The following RIN2 variants were observed in gnomAD, a reference collection of about 807,000 sequenced individuals.
RIN2 encodes the protein RAB5 interacting protein 2.
A neutral mutation model predicts 78.0 loss-of-function variants in RIN2; 36 were observed. That is an observed-to-expected ratio of 0.46 (90% CI 0.35 to 0.61). The LOEUF (loss-of-function observed/expected upper bound fraction) is 0.61, where lower values mean the gene tolerates loss of function less well. RIN2 is among the 20% of genes least tolerant of loss of function. RIN2 has a pLI of 0.00. For synonymous variants in RIN2, 466 were observed against 466.8 expected, an observed-to-expected ratio of 1.00 and a Z score of 0.02; for missense variants, 1,087 against 1,159.7, an observed-to-expected ratio of 0.94 and a Z score of 0.91.
intron 2 of RIN2, 186 bp from the exon 3 acceptor site, chr20:19,889,380 T>C: frequency 1.6e-6 from 2 of 1,212,614 alleles, no homozygotes; most frequent in Non-Finnish European, 2.1e-6. Flanking sequence ...TGGGGCAGTC[T>C]AGGAACTGCG....
chr20:19,908,871 T>G lies in RIN2; in HGVS notation c.57+19213T>G, dbSNP rs1331954042. Among the ~76,000 whole-genome samples, 3 of 152,324 alleles carry G rather than the reference T, an allele frequency of 2.0e-5. No homozygotes were observed. The East Asian group carries it at 5.8e-4, about 29-fold the overall frequency. On this transcript the variant is annotated intron_variant, in intron 3 of 12. Coordinates refer to ENST00000255006, the MANE Select transcript of RIN2 (RefSeq NM_018993.4). ...CACCACGCCTGTTGTTCAGTTTGTT[T>G]GTTTATCTTTGAGATGGAGTTTTGC...
At chr20:19,965,509 G>T (rs1347520671) in intron 7 of RIN2, among the ~76,000 whole-genome samples, 1 of 152,230 alleles carries the variant, frequency 6.6e-6, no homozygotes, top group African/African-American at 2.4e-5. Flanking sequence ...CCTTAAACCA[G>T]CCCATCAGTC....
chr20:19,844,692 C>CTTCT (rs1555832328), intron 2 of RIN2, among the ~76,000 whole-genome samples: 37 of 117,674 alleles, frequency 3.1e-4, no homozygotes, highest in African/African-American at 1.2e-3. Flanking sequence ...CTTCCTCTTC[C>CTTCT]TCTTCCTCTT....
chr20:19,960,741 C>T lies in RIN2; in HGVS notation c.393C>T (p.Val131=). Residue 131 remains valine (V), a synonymous_variant, in exon 6 of 13, where the codon GTC becomes GTT. Coordinates refer to ENST00000255006, the MANE Select transcript of RIN2 (RefSeq NM_018993.4). ...AATCTACCAAGATGCAGAAGAAAGTCCTCTCCCTCCGCCTGCCCTGTGAAT... is the reference window on the plus strand; with the variant it reads ...AATCTACCAAGATGCAGAAGAAAGTTCTCTCCCTCCGCCTGCCCTGTGAAT... The part of the protein sequence containing the change: ...VHKSTKMQKK[V]LSLRLPCEFG... 1 of 1,605,018 alleles carries T rather than the reference C, an allele frequency of 6.2e-7. No homozygotes were observed. The highest frequency in any genetic ancestry group is 1.3e-5 in the African/African-American group (1 of 74,934).
chr20:19,914,157 A>G (rs1383952192), intron 3 of RIN2, among the ~76,000 whole-genome samples: 1 of 152,186 alleles, frequency 6.6e-6, no homozygotes, highest in Non-Finnish European at 1.5e-5. Flanking sequence ...AGATCAAGCA[A>G]ACTAGTTGTC....
At chr20:19,792,362 G>C (rs181146040) in intron 1 of RIN2, among the ~76,000 whole-genome samples, 1 of 152,170 alleles carries the variant, frequency 6.6e-6, no homozygotes, top group East Asian at 1.9e-4. Flanking sequence ...ATTGACTGAG[G>C]CCTCATAGTG....
Position 19,811,131 on chromosome 20 carries a change from T to C in RIN2, c.-37+11384T>C, listed in dbSNP as rs376379817. Among the ~76,000 whole-genome samples, 67 of 152,176 alleles carry C rather than the reference T, an allele frequency of 4.4e-4. 2 individuals are homozygous for C. The highest frequency in any genetic ancestry group is 1.6e-3 in the African/African-American group (66 of 41,530). On this transcript the variant is annotated intron_variant, in intron 2 of 12. Coordinates refer to ENST00000255006, the MANE Select transcript of RIN2 (RefSeq NM_018993.4). ...GTCGCTTCTTGGTGGTGGTTTATTT[T>C]GGTCCCCCTGAGACAAGGATTTAGA...
At chr20:19,876,882 G>A (rs1476039905) in intron 2 of RIN2, among the ~76,000 whole-genome samples, 1 of 147,022 alleles carries the variant, frequency 6.8e-6, no homozygotes, top group African/African-American at 2.5e-5. Context: ...CTCCAGCCTG[G>A]GCAATAGAGA....
At chr20:19,788,054 C>A (rs574790411) in intron 1 of RIN2, among the ~76,000 whole-genome samples, 2 of 152,084 alleles carry the variant, frequency 1.3e-5, no homozygotes, top group Non-Finnish European at 2.9e-5. Context: ...ATACTTAGTG[C>A]GATCTCAGCA....
chr20:19,851,795 C>T (rs552617333), intron 2 of RIN2, among the ~76,000 whole-genome samples: 31 of 152,188 alleles, frequency 2.0e-4, no homozygotes, highest in Admixed American at 3.9e-4. Flanking sequence ...GCCATGAGAC[C>T]GGCTGAAAAG....
At chr20:19,969,632 T>C (rs1017629952) in intron 7 of RIN2, among the ~76,000 whole-genome samples, 1 of 152,218 alleles carries the variant, frequency 6.6e-6, no homozygotes, top group Non-Finnish European at 1.5e-5. Flanking sequence ...TGGAGCTCCA[T>C]GCAGGCAGGA....
Position 19,992,282 on chromosome 20 carries a change from C to G in RIN2, c.2183C>G (p.Ser728Trp). 6.4e-7 allele frequency: 1 copy of G among 1,571,154 alleles called. No homozygotes were observed. Among genetic ancestry groups the G allele is most frequent in the Non-Finnish European group, 8.6e-7 (1 of 1,156,924 alleles). Reference sequence around the variant, plus strand: ...TACATGATGGAGCTCCTAGACCCATCGCTGTTACATGGAGAAGGTAACTGC... The same window carrying G: ...TACATGATGGAGCTCCTAGACCCATGGCTGTTACATGGAGAAGGTAACTGC... ...IEYMMELLDP[S>W]LLHGEGGYYL... is the part of the protein sequence containing the mutation. Residue 728 changes from serine (S) to tryptophan (W), a missense_variant, in exon 11 of 13, where the codon TCG becomes TGG. Ser to Trp is a radical substitution (Grantham distance 177). This residue lies in a region of RIN2 where 45 missense variants were observed against 88.1 expected (regional missense o/e 0.51). Coordinates refer to ENST00000255006, the MANE Select transcript of RIN2 (RefSeq NM_018993.4).
chr20:19,933,989 A>C (rs2040533977), intron 3 of RIN2, among the ~76,000 whole-genome samples: 1 of 151,796 alleles, frequency 6.6e-6, no homozygotes, highest in African/African-American at 2.4e-5. Context: ...TTTTGTATTT[A>C]TGTACAGATG....
intron 2 of RIN2, among the ~76,000 whole-genome samples, chr20:19,827,162 G>A (rs923678045): frequency 2.6e-5 from 4 of 152,012 alleles, no homozygotes; most frequent in African/African-American, 9.7e-5. Flanking sequence ...TTTTAGTAGA[G>A]ATGGGGTCTC....
At chr20:19,853,202 G>C (rs1257720863) in intron 2 of RIN2, among the ~76,000 whole-genome samples, 2 of 151,998 alleles carry the variant, frequency 1.3e-5, no homozygotes, top group Non-Finnish European at 2.9e-5. Flanking sequence ...TCCCTACAAA[G>C]GACATGAACT....
chr20:19,778,749 C>A (rs927234287), intron 1 of RIN2, among the ~76,000 whole-genome samples: 1 of 152,106 alleles, frequency 6.6e-6, no homozygotes, highest in Non-Finnish European at 1.5e-5. Flanking sequence ...AGGAAGGACA[C>A]CTGTTCTGAA....
Position 19,889,626 on chromosome 20 carries a change from C to A in RIN2, c.25C>A (p.Arg9Ser). 1 of 1,547,766 alleles carries A rather than the reference C, an allele frequency of 6.5e-7. No individual in the cohort carries two copies. The change falls in exon 3 of 13, where the codon CGC (arginine) becomes AGC (serine). Residue 9 changes from arginine (R) to serine (S), a missense_variant. This residue lies in a region of RIN2 where 706 missense variants were observed against 667.5 expected (regional missense o/e 1.06). Transcript: ENST00000255006. ...AATGACAGCTTGGACCATGGGCGCC[C>A]GCGGTCTGGACAAGCGAGGAAGTTT... MTAWTMGA[R>S]GLDKRGSFFK... is the part of the protein sequence containing the mutation.
chr20:19,829,466 G>A (rs938996321), intron 2 of RIN2, among the ~76,000 whole-genome samples: 5 of 152,172 alleles, frequency 3.3e-5, no homozygotes, highest in Admixed American at 3.3e-4. Flanking sequence ...TGAGGAGGGT[G>A]GGAAGAACAA....
At chr20:19,789,057 G>C (rs1278355568) in intron 1 of RIN2, among the ~76,000 whole-genome samples, 2 of 152,166 alleles carry the variant, frequency 1.3e-5, no homozygotes, top group African/African-American at 4.8e-5. Flanking sequence ...ATCAGAACAA[G>C]GATAGACAAA....
Sources: gnomAD v4.1 joint callset for allele counts (sites outside exome capture counted in the v4.1 genomes callset) on GRCh38, gnomAD v4.1.1 for gene constraint, gnomAD v4.1.1 regional missense constraint, MANE v1.5 for transcripts, NCBI Gene and HGNC (gene_info 2026-07-23, HGNC 2026-07-21) for gene names.